ARMCX4: variants seen among roughly 807,000 people sequenced by gnomAD.
ARMCX4 encodes the protein armadillo repeat-containing X-linked protein 4.
Under a neutral mutation model 34.7 loss-of-function variants are expected in ARMCX4, and 3 were observed. That is an observed-to-expected ratio of 0.09 (90% CI 0.04 to 0.22). The LOEUF is 0.22. Ranked by LOEUF, ARMCX4 falls within the 10% of genes least tolerant of loss-of-function variation. The pLI, the probability that ARMCX4 is intolerant of heterozygous loss-of-function variation, is 1.00. For synonymous variants in ARMCX4, 513 were observed against 632.8 expected (o/e 0.81, Z 2.84); for missense variants, 1,448 against 1,720.8 (o/e 0.84, Z 2.81).
chrX:101,450,385 T>C (rs1262144139), downstream of ARMCX4, among the ~76,000 whole-genome samples: 1 of 111,901 alleles, frequency 8.9e-6, no homozygotes, highest in Admixed American at 9.4e-5. Context: ...CAGATTACCA[T>C]CAATGTTCAC....
chrX:101,431,582 T>C (rs971866476), intron 2 of ARMCX4, among the ~76,000 whole-genome samples: 42 of 111,801 alleles, frequency 3.8e-4, no homozygotes, highest in Non-Finnish European at 5.7e-4. Context: ...CTCGCTCTGT[T>C]GCCCAGGCTG....
downstream of ARMCX4, among the ~76,000 whole-genome samples, chrX:101,446,756 C>G (rs1392277465): frequency 3.6e-5 from 4 of 109,897 alleles, no homozygotes; most frequent in Admixed American, 9.8e-5. Context: ...AAGTTCAAGA[C>G]CAGCCTGGCC....
chrX:101,527,778 C>A (rs1248458257), intron 11 of ARMCX4, among the ~76,000 whole-genome samples: 1 of 111,445 alleles, frequency 9.0e-6, no homozygotes, highest in African/African-American at 3.3e-5. Context: ...AAGACTAAAC[C>A]AGGAAGAAGT....
At chrX:101,525,174 C>A (rs1934938191) in intron 11 of ARMCX4, among the ~76,000 whole-genome samples, 1 of 112,048 alleles carries the variant, frequency 8.9e-6, no homozygotes, top group South Asian at 3.7e-4. Flanking sequence ...GATACCCAGG[C>A]AAACAGGGTC....
At chrX:101,427,680 C>T (rs1017708910) in intron 2 of ARMCX4, among the ~76,000 whole-genome samples, 10 of 111,417 alleles carry the variant, frequency 9.0e-5, no homozygotes, top group Admixed American at 6.7e-4. Flanking sequence ...TGTGCCTGGC[C>T]GAGAGCTTTC....
intron 4 of ARMCX4, among the ~76,000 whole-genome samples, chrX:101,461,770 T>A (rs1356525468): frequency 8.9e-6 from 1 of 111,872 alleles, no homozygotes; most frequent in East Asian, 2.8e-4. Context: ...TCCTAATGGG[T>A]GTGATTTATT....
chrX:101,458,873 A>G (rs1014088495), intron 4 of ARMCX4, among the ~76,000 whole-genome samples: 4 of 112,125 alleles, frequency 3.6e-5, no homozygotes, highest in African/African-American at 1.3e-4. Context: ...TCTAAATAAA[A>G]TAAAATAAAA....
intron 8 of ARMCX4, among the ~76,000 whole-genome samples, chrX:101,505,554 T>A (rs1449029809): frequency 9.0e-6 from 1 of 110,665 alleles, no homozygotes; most frequent in African/African-American, 3.3e-5. Flanking sequence ...GTAAGTCAGG[T>A]AGCCTCAGTG....
At chrX:101,527,209 G>A (rs1456556473) in intron 11 of ARMCX4, among the ~76,000 whole-genome samples, 1 of 112,027 alleles carries the variant, frequency 8.9e-6, no homozygotes, top group Non-Finnish European at 1.9e-5. Context: ...CATGGAAACT[G>A]AACAACCTTC....
downstream of ARMCX4, among the ~76,000 whole-genome samples, chrX:101,496,376 A>G (rs1934178372): frequency 9.0e-6 from 1 of 110,567 alleles, no homozygotes; most frequent in South Asian, 3.9e-4. Context: ...GGAAGCTACC[A>G]CAAGTTACTC....
chrX:101,433,526 G>C (rs1555993294), intron 2 of ARMCX4, among the ~76,000 whole-genome samples: 1 of 111,677 alleles, frequency 9.0e-6, no homozygotes, highest in Non-Finnish European at 1.9e-5. Context: ...CTCTGAGTCT[G>C]AGTTTCCTCA....
chrX:101,471,412 A>G (rs183198041), intron 4 of ARMCX4, among the ~76,000 whole-genome samples: 205 of 112,031 alleles, frequency 1.8e-3, no homozygotes, highest in Middle Eastern at 4.6e-3. Flanking sequence ...CTATTCCCCA[A>G]TTTTTTATGC....
chrX:101,529,219 AC>A (rs1451800173), intron 11 of ARMCX4, among the ~76,000 whole-genome samples: 1 of 111,271 alleles, frequency 9.0e-6, no homozygotes, highest in Non-Finnish European at 1.9e-5. Context: ...ACCTGACAAA[AC>A]AAGCAATGGG....
At chrX:101,486,134 A>G (rs782102705) in intron 2 of ARMCX4, 42 bp downstream of exon 2, 1 of 111,089 alleles carries the variant, frequency 9.0e-6, no homozygotes, top group Non-Finnish European at 1.9e-5. Context: ...TTGGAGTTCC[A>G]TATGAATTCT....
At chrX:101,473,400 G>A (rs1482648940) in intron 4 of ARMCX4, among the ~76,000 whole-genome samples, 13 of 104,374 alleles carry the variant, frequency 1.2e-4, no homozygotes, top group African/African-American at 4.5e-4. Flanking sequence ...ACAGATCAAC[G>A]AGACAGAAAG....
upstream of ARMCX4, among the ~76,000 whole-genome samples, chrX:101,480,942 G>A (rs1183193093): frequency 9.0e-6 from 1 of 111,015 alleles, no homozygotes; most frequent in Non-Finnish European, 1.9e-5. Flanking sequence ...GGGCAACATG[G>A]CAAAAACCCG....
chrX:101,423,875 T>G (rs1247298189), intron 2 of ARMCX4, among the ~76,000 whole-genome samples: 2 of 110,616 alleles, frequency 1.8e-5, no homozygotes, highest in Non-Finnish European at 3.8e-5. Context: ...TTTATTTTTA[T>G]ATTTTGAGAT....
intron 11 of ARMCX4, chrX:101,516,584 G>A (rs1209482278): frequency 1.8e-5 from 2 of 111,192 alleles, no homozygotes; most frequent in African/African-American, 3.3e-5. Flanking sequence ...CGGTAATTTT[G>A]GAGTCCTAAT....
exon 2 of ARMCX4, chrX:101,418,993 A>G (rs782765944): frequency 9.2e-6 from 1 of 109,248 alleles, no homozygotes; most frequent in Non-Finnish European, 1.9e-5. Flanking sequence ...AGTTCTGAAA[A>G]CATGTTGGTT....
Sources: gnomAD v4.1 joint callset for allele counts (sites outside exome capture counted in the v4.1 genomes callset) on GRCh38, gnomAD v4.1.1 for gene constraint, MANE v1.5 for transcripts, NCBI Gene and HGNC (gene_info 2026-07-23, HGNC 2026-07-21) for gene names.